Variants in MCOLN3 observed in about 807,000 individuals in gnomAD.
MCOLN3 encodes the protein mucolipin-3.
A neutral mutation model predicts 69.4 loss-of-function variants in MCOLN3; 62 were observed. The ratio of observed to expected loss-of-function variants is 0.89; its 90% CI spans 0.73 to 1.10. MCOLN3 has a LOEUF of 1.10. Among genes scored for constraint, MCOLN3 ranks in the 50% least tolerant of loss-of-function variants. The pLI is 0.00. For missense variants in MCOLN3, 564 were observed against 656.4 expected (o/e 0.86, Z 1.54); for synonymous variants, 183 against 217.0 (o/e 0.84, Z 1.38).
chr1:85,045,603 A>AG (rs1653310450), intron 1 of MCOLN3, among the ~76,000 whole-genome samples: 1 of 152,234 alleles, frequency 6.6e-6, no homozygotes, highest in Non-Finnish European at 1.5e-5. Context: ...ACCAAATTCA[A>AG]GGGCTGCTCC....
rs765015755 is a variant in MCOLN3, at chr1:85,029,198, A to G, written c.740T>C (p.Phe247Ser). ...DCYDFTLTIT[F>S]DNKAHSGRIK... ...TCTTCCACTATGGGCCTTGTTGTCA[A>G]ATGTTATCTGTGAAGACAGGAAAAC... Residue 247 changes from phenylalanine to serine, a missense_variant, in exon 7 of 13, where the codon TTT becomes TCT. Transcript: ENST00000370589. The G allele has an allele frequency of 1.3e-6, 2 of 1,587,520 alleles. No homozygotes were observed. The highest frequency in any genetic ancestry group is 2.2e-5 in the South Asian group (2 of 90,484).
In MCOLN3 at chr1:85,018,904, C is replaced by A; in HGVS notation, c.*219G>T. ...ACAAGAAATAATAATAATCCAATAGCTTTCCTCATTAAAGTTTTTTTAAAA... is the reference window on the plus strand; with the variant it reads ...ACAAGAAATAATAATAATCCAATAGATTTCCTCATTAAAGTTTTTTTAAAA... On this transcript the variant is annotated 3_prime_UTR_variant, in exon 13 of 13. Transcript: ENST00000370589. The A allele has an allele frequency of 2.1e-6, 1 of 476,078 alleles. No individual in the cohort carries two copies. The highest frequency in any genetic ancestry group is 3.1e-5 in the South Asian group (1 of 31,968). 29.5% of individuals were successfully genotyped at this position (476,078 alleles called of 1,614,324 possible).
intron 1 of MCOLN3, among the ~76,000 whole-genome samples, chr1:85,047,049 A>T (rs1302523796): frequency 6.6e-6 from 1 of 152,258 alleles, no homozygotes; most frequent in Non-Finnish European, 1.5e-5. Flanking sequence ...CTTAAAACGC[A>T]GATGATTTCA....
At chr1:85,040,861 T>TA in intron 3 of MCOLN3, 149 bp downstream of exon 3, 1 of 735,024 alleles carries the variant, frequency 1.4e-6, no homozygotes, top group Non-Finnish European at 2.0e-6. Flanking sequence ...ACAATATTTT[T>TA]AAAAAATTAA....
At chr1:85,023,329 C>G (rs1652046185) in intron 9 of MCOLN3, 1 of 152,288 alleles carries the variant, frequency 6.6e-6, no homozygotes, top group Non-Finnish European at 1.5e-5. Context: ...CATCCTCCCG[C>G]CTCAGCCTCC....
rs1653040958 is a variant in MCOLN3 at position 85,041,134 on chromosome 1, T to A, written c.272A>T (p.Lys91Met). ...GLSNQMVVAF[K>M]EENTIAFKHL... The stretch of plus-strand genomic sequence containing the variant: ...TTTGAATGCTATAGTATTCTCTTCC[T>A]TGAAAGCTACCACCATCTGGTTACT... Residue 91 changes from lysine (K) to methionine (M), a missense_variant, in exon 3 of 13, where the codon AAG becomes ATG. Physicochemically the swap from Lys to Met is moderately conservative, Grantham distance 95 (BLOSUM62 -1). Transcript: ENST00000370589. 1 of 1,613,858 alleles carries A rather than the reference T, an allele frequency of 6.2e-7. No individual in the cohort carries two copies. Among genetic ancestry groups the A allele is most frequent in the Non-Finnish European group, 8.5e-7 (1 of 1,179,970 alleles).
chr1:85,034,724 G>A (rs1417713128), intron 3 of MCOLN3, among the ~76,000 whole-genome samples: 2 of 152,118 alleles, frequency 1.3e-5, no homozygotes, highest in African/African-American at 4.8e-5. Flanking sequence ...ATCTTTGCAA[G>A]ATTATAATTT....
chr1:85,019,969 C>T (rs532493469), intron 12 of MCOLN3, among the ~76,000 whole-genome samples: 3 of 152,264 alleles, frequency 2.0e-5, no homozygotes, highest in East Asian at 1.9e-4. Context: ...TCTGAGCCCA[C>T]GGAAAGAGGT....
Position 85,045,212 on chromosome 1 carries a change from C to T in MCOLN3, c.149G>A (p.Cys50Tyr). 6.2e-7 allele frequency: 1 copy of T among 1,614,058 alleles called. No individual in the cohort carries two copies. Among genetic ancestry groups the T allele is most frequent in the Non-Finnish European group, 8.5e-7 (1 of 1,180,008 alleles). ...RKLKFFFMNP[C>Y]EKFWARGRKP... ...TCTACCTCGAGCCCAGAACTTCTCA[C>T]AGGGATTCATGAAAAAAAATTTGAG... The change falls in exon 2 of 13, where the codon TGT becomes TAT. Residue 50 changes from cysteine to tyrosine, a missense_variant. Physicochemically the swap from Cys to Tyr is radical, Grantham distance 194 (BLOSUM62 -2). Coordinates refer to ENST00000370589, the MANE Select transcript of MCOLN3 (RefSeq NM_018298.11).
intron 2 of MCOLN3, 54 bp from the exon 3 acceptor site, chr1:85,041,231 CA>C: frequency 6.7e-7 from 1 of 1,494,004 alleles, no homozygotes; most frequent in African/African-American, 1.4e-5. Flanking sequence ...GCAGAAAAAG[CA>C]GAGCAGAAGG....
intron 3 of MCOLN3, among the ~76,000 whole-genome samples, chr1:85,036,054 C>A (rs750769924): frequency 1.3e-5 from 2 of 152,178 alleles, no homozygotes; most frequent in Non-Finnish European, 2.9e-5. Flanking sequence ...GTACTTATAA[C>A]AAACTGACAG....
intron 3 of MCOLN3, among the ~76,000 whole-genome samples, chr1:85,040,452 C>T (rs1653004407): frequency 1.3e-5 from 2 of 152,094 alleles, no homozygotes; most frequent in South Asian, 4.1e-4. Context: ...TATATTATTT[C>T]TGGCAAAAAT....
intron 12 of MCOLN3, among the ~76,000 whole-genome samples, chr1:85,020,780 C>G (rs1651888585): frequency 6.6e-6 from 1 of 152,140 alleles, no homozygotes; most frequent in Non-Finnish European, 1.5e-5. Flanking sequence ...CCTTATAATT[C>G]TTTATTTAGT....
intron 3 of MCOLN3, among the ~76,000 whole-genome samples, chr1:85,038,217 G>T (rs936845104): frequency 6.6e-6 from 1 of 152,166 alleles, no homozygotes; most frequent in African/African-American, 2.4e-5. Context: ...TGAGGTAGGT[G>T]TCTGGCAGTG....
intron 7 of MCOLN3, 127 bp from the exon 8 acceptor site, chr1:85,026,411 C>T (rs528656238): frequency 5.0e-4 from 344 of 681,636 alleles, no homozygotes; most frequent in Non-Finnish European, 6.0e-4. Context: ...CCCTGATAAA[C>T]GGTCTTCCAA....
intron 3 of MCOLN3, among the ~76,000 whole-genome samples, chr1:85,040,682 T>A (rs1055523392): frequency 1.1e-4 from 16 of 152,126 alleles, no homozygotes; most frequent in African/African-American, 3.9e-4. Context: ...CTTTCAGCTC[T>A]GAGGACTTAA....
intron 1 of MCOLN3, among the ~76,000 whole-genome samples, chr1:85,046,677 A>G (rs1414276982): frequency 6.6e-6 from 1 of 152,210 alleles, no homozygotes; most frequent in Non-Finnish European, 1.5e-5. Context: ...AAGCATTCTT[A>G]GGAAGCCCAA....
chr1:85,043,360 T>C (rs913190828), intron 2 of MCOLN3, among the ~76,000 whole-genome samples: 6 of 152,012 alleles, frequency 3.9e-5, no homozygotes, highest in Admixed American at 3.3e-4. Flanking sequence ...TGAAACCCCA[T>C]CTCCACTGAA....
At chr1:85,033,081 T>G in intron 4 of MCOLN3, 125 bp from the exon 5 acceptor site, 1 of 868,208 alleles carries the variant, frequency 1.2e-6, no homozygotes. Flanking sequence ...TTTTCTGAAT[T>G]AAAATTTTAA....
Sources: gnomAD v4.1 joint callset for allele counts (sites outside exome capture counted in the v4.1 genomes callset) on GRCh38, gnomAD v4.1.1 for gene constraint, MANE v1.5 for transcripts, NCBI Gene and HGNC (gene_info 2026-07-23, HGNC 2026-07-21) for gene names.